The following ATP5MC2 variants were observed in gnomAD, a reference collection of about 807,000 sequenced individuals.
ATP5MC2 encodes the protein ATP synthase F(0) complex subunit C2, mitochondrial.
Under a neutral mutation model 13.5 loss-of-function variants are expected in ATP5MC2, and 11 were observed. The observed-to-expected ratio is 0.81, with a 90% CI of 0.51 to 1.35. The LOEUF is 1.35. ATP5MC2 is among the 40% of genes most tolerant of loss of function. The probability of loss-of-function intolerance (pLI) is 0.00; values close to 1 mark genes in which losing one functional copy is unlikely to be tolerated. For missense variants in ATP5MC2, 132 were observed against 175.0 expected, an observed-to-expected ratio of 0.75 and a Z score of 1.39; for synonymous variants, 64 against 69.7, an observed-to-expected ratio of 0.92 and a Z score of 0.41.
At chr12:53,674,230 G>A (rs1945199914) in intron 1 of ATP5MC2, among the ~76,000 whole-genome samples, 1 of 152,188 alleles carries the variant, frequency 6.6e-6, no homozygotes, top group Admixed American at 6.6e-5. Flanking sequence ...TGTAGTCCCA[G>A]CTACTCCAGA....
At chr12:53,669,971 G>T in intron 2 of ATP5MC2, 23 bp from the exon 3 acceptor site, 1 of 1,611,888 alleles carries the variant, frequency 6.2e-7, no homozygotes, top group Non-Finnish European at 8.5e-7. Context: ...ACATACAGGG[G>T]CAGGAAGGTC....
chr12:53,670,347 T>C, intron 2 of ATP5MC2: 1 of 347,828 alleles, frequency 2.9e-6, no homozygotes, highest in Non-Finnish European at 5.6e-6. Context: ...CCATCATACT[T>C]TGAAAAACCA....
At position 53,669,228 on chromosome 12, in the gene ATP5MC2, A is replaced by G. The variant is rs763684496; in HGVS notation, c.231T>C (p.Ala77=). The change falls in exon 4 of 5, where the codon GCT becomes GCC. Residue 77 remains alanine, a synonymous_variant. Coordinates refer to ENST00000394349, the MANE Select transcript of ATP5MC2 (RefSeq NM_005176.7). ...DIDTAAKFIG[A]GAATVGVAGS... ...CAGCCACCCCAACTGTGGCAGCCCC[A>G]GCTCCAATGAACTTGGCTGCTGTGT... 6.2e-7 allele frequency: 1 copy of G among 1,613,906 alleles called. No individual in the cohort carries two copies. The highest frequency in any genetic ancestry group is 8.5e-7 in the Non-Finnish European group (1 of 1,179,954).
chr12:53,678,382 CCATCATCAT>C (rs1945320277), upstream of ATP5MC2, among the ~76,000 whole-genome samples: 1 of 147,072 alleles, frequency 6.8e-6, no homozygotes, highest in African/African-American at 2.5e-5. Flanking sequence ...ACCATCATCA[CCATCATCAT>C]CACTGCTTCT....
chr12:53,672,665 ATTGTAAACGCTCCTT>A lies in ATP5MC2; in HGVS notation c.-31-35_-31-21del, dbSNP rs1479740702. The A allele has an allele frequency of 3.3e-5, 51 of 1,560,466 alleles. No individual in the cohort carries two copies. The highest frequency in any genetic ancestry group is 4.1e-5 in the African/African-American group (3 of 74,062). ...GGAGAGCTGGAATTACAGAAGCAGT[ATTGTAAACGCTCCTT>A]ATTCACTAAACTATATCCTTATTAG... On this transcript the variant is annotated intron_variant, in intron 1 of 4. Transcript: ENST00000394349.
chr12:53,671,857 C>G (rs1348958187), intron 2 of ATP5MC2, among the ~76,000 whole-genome samples: 1 of 151,906 alleles, frequency 6.6e-6, no homozygotes, highest in African/African-American at 2.4e-5. Flanking sequence ...CATGGAGAAA[C>G]CCTGTCTCTA....
intron 2 of ATP5MC2, chr12:53,670,236 G>A: frequency 2.4e-6 from 1 of 408,330 alleles, no homozygotes; most frequent in South Asian, 2.0e-5. Context: ...TAGCTCTTGA[G>A]AACAAGAAGA....
intron 1 of ATP5MC2, chr12:53,673,819 C>CA (rs371072145): frequency 0.14 from 17,621 of 130,414 alleles, 1,014 homozygotes; most frequent in Admixed American, 0.22. Context: ...GAAACTGTCT[C>CA]AAAAAAAAAA....
chr12:53,669,209 C>T lies in ATP5MC2; in HGVS notation c.250G>A (p.Val84Met). Residue 84 changes from valine (V) to methionine (M), a missense_variant, in exon 4 of 5, where the codon GTG becomes ATG. Physicochemically the swap from Val to Met is conservative, Grantham distance 21 (BLOSUM62 1). Transcript: ENST00000394349. ...CCAATCCCAGCCCCAGAACCAGCCA[C>T]CCCAACTGTGGCAGCCCCAGCTCCA... ...FIGAGAATVG[V>M]AGSGAGIGTV... 1.9e-6 allele frequency: 3 copies of T among 1,613,968 alleles called. No homozygotes were observed. The highest frequency in any genetic ancestry group is 2.5e-6 in the Non-Finnish European group (3 of 1,179,904).
At chr12:53,678,223 A>G (rs12818213), upstream of ATP5MC2, among the ~76,000 whole-genome samples, 47,140 of 152,068 alleles carry the variant, frequency 0.31, 7,507 homozygotes, top group East Asian at 0.41. Context: ...ATGTAAATTG[A>G]GAAGAATAAT....
chr12:53,678,100 C>T (rs562821959), upstream of ATP5MC2, among the ~76,000 whole-genome samples: 1 of 152,316 alleles, frequency 6.6e-6, no homozygotes, highest in South Asian at 2.1e-4. Context: ...CGATGTTTAA[C>T]ACTCCCTTGC....
upstream of ATP5MC2, among the ~76,000 whole-genome samples, chr12:53,679,094 A>G (rs1395419280): frequency 2.0e-5 from 3 of 152,166 alleles, no homozygotes; most frequent in Non-Finnish European, 4.4e-5. Context: ...CTTTTCTACA[A>G]AGGTCACCAA....
At chr12:53,678,834 A>C (rs1945323494), upstream of ATP5MC2, among the ~76,000 whole-genome samples, 1 of 152,160 alleles carries the variant, frequency 6.6e-6, no homozygotes, top group African/African-American at 2.4e-5. Context: ...ATCCTTTCCA[A>C]TCAGTCCCTT....
At chr12:53,667,956 C>CATATATATATAT (rs772110168) in intron 4 of ATP5MC2, among the ~76,000 whole-genome samples, 1,364 of 66,634 alleles carry the variant, frequency 0.02, 111 homozygotes, top group Middle Eastern at 0.047. Context: ...CATACACACA[C>CATATATATATAT]ATATATATAT....
chr12:53,678,379 T>C (rs56300473), upstream of ATP5MC2, among the ~76,000 whole-genome samples: 18,720 of 116,280 alleles, frequency 0.16, 1,265 homozygotes, highest in Middle Eastern at 0.18. Flanking sequence ...ACCACCATCA[T>C]CACCATCATC....
At chr12:53,670,872 C>T (rs1945076411) in intron 2 of ATP5MC2, among the ~76,000 whole-genome samples, 1 of 152,046 alleles carries the variant, frequency 6.6e-6, no homozygotes, top group African/African-American at 2.4e-5. Context: ...ATCCACCCAC[C>T]TCGGCTTCCC....
chr12:53,665,259 G>C lies in ATP5MC2; in HGVS notation c.*55C>G. 5 of 1,454,120 alleles carry C rather than the reference G, an allele frequency of 3.4e-6. No individual in the cohort carries two copies. The highest frequency in any genetic ancestry group is 4.7e-6 in the Non-Finnish European group (5 of 1,059,152). 90.1% of individuals were successfully genotyped at this position (1,454,120 alleles called of 1,614,324 possible). ...GCTGCCTGGGGAGGTATAGGAAAAG[G>C]AACACACGGGGCCAACCAGACGCGG... On this transcript the variant is annotated 3_prime_UTR_variant, in exon 5 of 5. Coordinates refer to ENST00000394349, the MANE Select transcript of ATP5MC2 (RefSeq NM_005176.7).
At position 53,669,357 on chromosome 12, in the gene ATP5MC2, A is replaced by G; in HGVS notation, c.118-16T>C. On this transcript the variant is annotated splice_polypyrimidine_tract_variant and intron_variant, in intron 3 of 4. Transcript: ENST00000394349. ...TGCTGAGGCTCTGTGAAAAAGAGGC[A>G]GGTAGAAGGTAAAGTTTTTTGCTTT... The G allele has an allele frequency of 6.2e-7, 1 of 1,604,058 alleles. No individual in the cohort carries two copies. Among genetic ancestry groups the G allele is most frequent in the Admixed American group, 1.7e-5 (1 of 58,058 alleles).
intron 1 of ATP5MC2, 97 bp from the exon 2 acceptor site, chr12:53,672,742 A>C: frequency 1.8e-6 from 2 of 1,095,990 alleles, no homozygotes; most frequent in Non-Finnish European, 2.6e-6. Context: ...CTGGCCCAGA[A>C]AACAGTGACT....
Sources: gnomAD v4.1 joint callset for allele counts (sites outside exome capture counted in the v4.1 genomes callset) on GRCh38, gnomAD v4.1.1 for gene constraint, MANE v1.5 for transcripts, NCBI Gene and HGNC (gene_info 2026-07-23, HGNC 2026-07-21) for gene names.